The following MNAT1 variants were observed in gnomAD, a reference collection of about 807,000 sequenced individuals.
The protein encoded by MNAT1 is MNAT1 component of CDK activating kinase.
A neutral mutation model predicts 42.0 loss-of-function variants in MNAT1; 43 were observed. The ratio of observed to expected loss-of-function variants is 1.02; its 90% CI spans 0.80 to 1.32. The LOEUF is 1.32. Among genes scored for constraint, MNAT1 ranks in the 40% most tolerant of loss-of-function variants. The pLI, the probability that MNAT1 is intolerant of heterozygous loss-of-function variation, is 0.00. For synonymous variants in MNAT1, 118 were observed against 120.0 expected, an observed-to-expected ratio of 0.98 and a Z score of 0.11; for missense variants, 306 against 350.4, an observed-to-expected ratio of 0.87 and a Z score of 1.01.
chr14:60,913,328 G>A (rs899320642), intron 7 of MNAT1, among the ~76,000 whole-genome samples: 3 of 152,036 alleles, frequency 2.0e-5, no homozygotes, highest in African/African-American at 7.3e-5. Context: ...CTCTCAACTC[G>A]TCAAAGTCAT....
At chr14:60,825,698 C>G (rs899443246) in intron 6 of MNAT1, among the ~76,000 whole-genome samples, 2 of 152,166 alleles carry the variant, frequency 1.3e-5, no homozygotes, top group African/African-American at 2.4e-5. Flanking sequence ...CATTCTCTTT[C>G]TATTACATCT....
At chr14:60,944,903 A>G (rs1439201478) in intron 7 of MNAT1, among the ~76,000 whole-genome samples, 5 of 152,208 alleles carry the variant, frequency 3.3e-5, no homozygotes, top group Non-Finnish European at 2.9e-5. Flanking sequence ...TCATGCAAAC[A>G]TAGCTCTTAA....
intron 7 of MNAT1, among the ~76,000 whole-genome samples, chr14:60,958,802 A>C (rs1428138175): frequency 3.3e-5 from 5 of 151,094 alleles, no homozygotes; most frequent in African/African-American, 1.2e-4. Flanking sequence ...ACGCCTGGCT[A>C]ATTTCTTTTT....
At chr14:60,880,792 T>C (rs2034533500) in intron 7 of MNAT1, among the ~76,000 whole-genome samples, 1 of 152,156 alleles carries the variant, frequency 6.6e-6, no homozygotes, top group Non-Finnish European at 1.5e-5. Context: ...TTTATTCAGT[T>C]CTTTATTCTC....
At chr14:60,846,336 G>A (rs1428366575) in intron 6 of MNAT1, among the ~76,000 whole-genome samples, 4 of 151,826 alleles carry the variant, frequency 2.6e-5, no homozygotes, top group South Asian at 2.1e-4. Flanking sequence ...TCAACCTAGC[G>A]GTGTGACAGT....
intron 6 of MNAT1, among the ~76,000 whole-genome samples, chr14:60,821,407 C>G (rs1425010799): frequency 6.6e-6 from 1 of 152,118 alleles, no homozygotes; most frequent in Non-Finnish European, 1.5e-5. Context: ...ATGTTTGTCT[C>G]TAGTACCTAT....
intron 6 of MNAT1, among the ~76,000 whole-genome samples, chr14:60,872,283 T>A (rs955662762): frequency 6.6e-6 from 1 of 152,178 alleles, no homozygotes; most frequent in African/African-American, 2.4e-5. Context: ...AAGCCATTCA[T>A]GAAGGCTCCA....
intron 1 of MNAT1, among the ~76,000 whole-genome samples, chr14:60,773,116 T>C (rs2031123614): frequency 6.6e-6 from 1 of 151,986 alleles, no homozygotes; most frequent in Admixed American, 6.6e-5. Context: ...TTTTGTATTT[T>C]TAGTAGAGAT....
chr14:60,963,729 T>C (rs2036636320), intron 7 of MNAT1, among the ~76,000 whole-genome samples: 1 of 152,186 alleles, frequency 6.6e-6, no homozygotes, highest in Admixed American at 6.5e-5. Context: ...GGCCACCTTG[T>C]AAAAAGAAAG....
chr14:60,808,260 T>A, intron 3 of MNAT1, 65 bp from the exon 4 acceptor site: 5 of 1,019,976 alleles, frequency 4.9e-6, no homozygotes, highest in Non-Finnish European at 7.1e-6. Context: ...GTATTTGTTT[T>A]TTATTGTCTA....
At chr14:60,911,789 T>A (rs889983886) in intron 7 of MNAT1, among the ~76,000 whole-genome samples, 8 of 152,278 alleles carry the variant, frequency 5.3e-5, no homozygotes, top group African/African-American at 1.7e-4. Context: ...GAAAAGAATG[T>A]ATATTCTGGT....
chr14:60,913,344 A>G lies in MNAT1; in HGVS notation c.809+33509A>G, dbSNP rs1211455492. On this transcript the variant is annotated intron_variant, in intron 7 of 7. Transcript: ENST00000261245. ...TCTCAACTCGTCAAAGTCATGCTCC[A>G]TCCAGCTTTGTTCCGTTGCTGGTGA... 3.3e-5 allele frequency among the ~76,000 whole-genome samples: 5 copies of G among 152,196 alleles called. No homozygotes were observed. The South Asian group carries it at 8.3e-4, about 25-fold the overall frequency.
chr14:60,783,913 C>G (rs2031551056), intron 1 of MNAT1, among the ~76,000 whole-genome samples: 1 of 151,994 alleles, frequency 6.6e-6, no homozygotes, highest in Non-Finnish European at 1.5e-5. Flanking sequence ...AACTGTATCT[C>G]CAACTTCCTG....
At chr14:60,735,433 G>A (rs927075001) in intron 1 of MNAT1, among the ~76,000 whole-genome samples, 6 of 152,116 alleles carry the variant, frequency 3.9e-5, no homozygotes, top group African/African-American at 1.4e-4. Context: ...GATGGAGTTC[G>A]GTTAGACTCC....
intron 1 of MNAT1, among the ~76,000 whole-genome samples, chr14:60,746,096 G>A (rs1896605158): frequency 6.6e-6 from 1 of 152,108 alleles, no homozygotes; most frequent in Admixed American, 6.5e-5. Context: ...GAAAATCTAG[G>A]CTCTAGTTTC....
chr14:60,748,350 C>T (rs1176556519), intron 1 of MNAT1, among the ~76,000 whole-genome samples: 1 of 152,146 alleles, frequency 6.6e-6, no homozygotes, highest in African/African-American at 2.4e-5. Context: ...TCAGCTGTAG[C>T]CTTCTGAATA....
chr14:60,913,520 T>C (rs2035436387), intron 7 of MNAT1, among the ~76,000 whole-genome samples: 1 of 152,210 alleles, frequency 6.6e-6, no homozygotes, highest in Non-Finnish European at 1.5e-5. Flanking sequence ...GGATGGCCTT[T>C]CTGTTTTTTA....
intron 7 of MNAT1, among the ~76,000 whole-genome samples, chr14:60,904,467 G>C (rs2035149721): frequency 6.6e-6 from 1 of 152,042 alleles, no homozygotes; most frequent in Admixed American, 6.6e-5. Flanking sequence ...CCTGGCTCTA[G>C]TCTTGCAAGT....
intron 1 of MNAT1, among the ~76,000 whole-genome samples, chr14:60,767,721 C>G (rs1340209052): frequency 1.3e-5 from 2 of 152,204 alleles, no homozygotes; most frequent in African/African-American, 4.8e-5. Flanking sequence ...CTGCCTCAGC[C>G]TCCTGAGTAG....
Sources: allele counts gnomAD v4.1 joint callset (sites outside exome capture counted in the v4.1 genomes callset), GRCh38; gene constraint gnomAD v4.1.1; transcripts MANE v1.5; gene names NCBI Gene and HGNC (gene_info 2026-07-23, HGNC 2026-07-21).